LARS1: variants seen among roughly 807,000 people sequenced by gnomAD.
LARS1 encodes leucyl-tRNA synthetase 1.
Under a neutral mutation model 162.8 loss-of-function variants are expected in LARS1, and 100 were observed. That is an observed-to-expected ratio of 0.61 (90% confidence interval 0.52 to 0.73). The LOEUF (loss-of-function observed/expected upper bound fraction) is 0.73. LARS1 is among the 30% of genes least tolerant of loss of function. The pLI is 0.00. For synonymous variants in LARS1, 457 were observed against 462.8 expected (o/e 0.99, Z 0.16); for missense variants, 1,258 against 1,408.9 (o/e 0.89, Z 1.71).
intron 14 of LARS1, among the ~76,000 whole-genome samples, chr5:146,150,924 G>A (rs1438495659): frequency 6.9e-6 from 1 of 144,002 alleles, no homozygotes; most frequent in Non-Finnish European, 1.5e-5. Flanking sequence ...GTGAGACAGA[G>A]CAAGACTCCG....
intron 21 of LARS1, chr5:146,139,628 C>G (rs975219031): frequency 3.3e-5 from 5 of 152,406 alleles, no homozygotes; most frequent in South Asian, 2.1e-4. Flanking sequence ...GTAATCCCAG[C>G]ACTTTGGGAG....
rs563304209 is a variant in LARS1 at position 146,130,009 on chromosome 5, T to C, written c.2628+9A>G. 5.6e-6 allele frequency: 9 copies of C among 1,598,816 alleles called. No homozygotes were observed. Among genetic ancestry groups the C allele is most frequent in the South Asian group, 1.1e-5 (1 of 88,676 alleles). On this transcript the variant is annotated intron_variant, in intron 25 of 31. Transcript: ENST00000394434. ...AACCACTCGAAACATTTTAAATGCA[T>C]GAAGGTACCTTTCCCAGGAGTGTCC...
chr5:146,175,527 C>A (rs1164253104), intron 2 of LARS1, among the ~76,000 whole-genome samples: 68 of 124,486 alleles, frequency 5.5e-4, no homozygotes, highest in Admixed American at 1.0e-3. Context: ...GGCAACAGAG[C>A]AAGACTCCAC....
chr5:146,127,737 T>C (rs1561799783), intron 27 of LARS1, among the ~76,000 whole-genome samples: 1 of 152,070 alleles, frequency 6.6e-6, no homozygotes, highest in Non-Finnish European at 1.5e-5. Flanking sequence ...ATTTCTATCA[T>C]ATATACTCAA....
At chr5:146,173,465 T>G (rs2126588230) in intron 2 of LARS1, among the ~76,000 whole-genome samples, 1 of 151,860 alleles carries the variant, frequency 6.6e-6, no homozygotes, top group African/African-American at 2.4e-5. Context: ...CAATTCAAAG[T>G]CCCTCAGGTA....
chr5:146,140,383 TACACTATAGTCCTTTTTGTA>T lies in LARS1; in HGVS notation c.2091-142_2091-123del. ...TTGCTAAGATAAAAGTGCAAGGATA[TACACTATAGTCCTTTTTGTA>T]ATGGGAAGTGAAAACAAATCAAAGG... is the stretch of plus-strand genomic sequence containing the variant. On this transcript the variant is annotated intron_variant, in intron 20 of 31. Transcript: ENST00000394434. The T allele has an allele frequency of 5.6e-6, 4 of 707,988 alleles. No homozygotes were observed. The South Asian group carries it at 6.6e-5, about 12-fold the overall frequency. The allele number at this position is 707,988 out of a possible 1,614,324, so 43.9% of individuals were successfully genotyped here.
intron 31 of LARS1, among the ~76,000 whole-genome samples, chr5:146,116,835 A>G (rs911179769): frequency 6.6e-6 from 1 of 152,192 alleles, no homozygotes; most frequent in African/African-American, 2.4e-5. Flanking sequence ...AATTACCCTC[A>G]ATACAACTGG....
At chr5:146,131,490 T>C (rs924010452) in intron 23 of LARS1, 1 of 143,252 alleles carries the variant, frequency 7.0e-6, no homozygotes, top group Admixed American at 7.0e-5. Context: ...AGCCAAGTTT[T>C]TTTTTTTTTT....
chr5:146,167,529 G>A (rs1056495977), intron 5 of LARS1, among the ~76,000 whole-genome samples: 24 of 151,842 alleles, frequency 1.6e-4, no homozygotes, highest in Non-Finnish European at 3.1e-4. Context: ...TCAGCCTCCC[G>A]AGTAGCTGGG....
At chr5:146,181,098 A>G (rs777425380) in intron 1 of LARS1, 1 of 152,380 alleles carries the variant, frequency 6.6e-6, no homozygotes, top group Non-Finnish European at 1.5e-5. Flanking sequence ...TCACGCCTGT[A>G]ATCCCAGCAC....
intron 12 of LARS1, 101 bp downstream of exon 12, chr5:146,153,633 T>C: frequency 1.2e-6 from 1 of 834,496 alleles, no homozygotes; most frequent in Non-Finnish European, 2.0e-6. Context: ...AGTTTAAAGA[T>C]AAATGCATAG....
intron 10 of LARS1, among the ~76,000 whole-genome samples, chr5:146,154,606 C>A (rs141936044): frequency 0.013 from 2,007 of 151,936 alleles, 44 homozygotes; most frequent in African/African-American, 0.046. Context: ...GGTGAAACCC[C>A]GTCTCTACTA....
intron 2 of LARS1, among the ~76,000 whole-genome samples, chr5:146,175,235 C>T: frequency 6.7e-6 from 1 of 149,054 alleles, no homozygotes; most frequent in Non-Finnish European, 1.5e-5. Flanking sequence ...CAGACTCTGT[C>T]TCCAAATTAA....
intron 13 of LARS1, 90 bp from the exon 14 acceptor site, chr5:146,152,092 A>T: frequency 7.3e-7 from 1 of 1,360,910 alleles, no homozygotes; most frequent in Non-Finnish European, 1.0e-6. Flanking sequence ...ATGTCCAATT[A>T]AGTCATTTCA....
At chr5:146,173,909 T>A (rs1038602956) in intron 2 of LARS1, among the ~76,000 whole-genome samples, 1 of 152,130 alleles carries the variant, frequency 6.6e-6, no homozygotes, top group African/African-American at 2.4e-5. Context: ...AAGGCATACT[T>A]CATATAGACT....
intron 2 of LARS1, among the ~76,000 whole-genome samples, chr5:146,174,252 C>T (rs777690344): frequency 1.4e-5 from 2 of 147,456 alleles, no homozygotes; most frequent in East Asian, 4.1e-4. Flanking sequence ...GATTTCAAGA[C>T]TAGCCTAACG....
chr5:146,139,269 G>A (rs757350962), intron 21 of LARS1, among the ~76,000 whole-genome samples: 3 of 151,484 alleles, frequency 2.0e-5, no homozygotes, highest in Non-Finnish European at 2.9e-5. Flanking sequence ...CTTGAATCTG[G>A]GAGGTGGAGG....
rs750847242 is a variant in LARS1, at chr5:146,144,617, G to T, written c.1589+7C>A. 2.7e-5 allele frequency: 44 copies of T among 1,613,792 alleles called. No individual in the cohort carries two copies. Among genetic ancestry groups the T allele is most frequent in the Middle Eastern group, 1.6e-4 (1 of 6,062 alleles). ...CTAGGGGAATTTTCTTGCTATAAGA[G>T]ACTAACCACTGGTCACACAGAGCCA... On this transcript the variant is annotated splice_region_variant and intron_variant, in intron 16 of 31. Transcript: ENST00000394434.
Position 146,172,780 on chromosome 5 carries a change from A to C in LARS1, c.126-6T>G. The C allele has an allele frequency of 6.7e-7, 1 of 1,496,158 alleles. No individual in the cohort carries two copies. Among genetic ancestry groups the C allele is most frequent in the Non-Finnish European group, 9.1e-7 (1 of 1,103,356 alleles). 92.7% of individuals were successfully genotyped at this position (1,496,158 alleles called of 1,614,324 possible). ...TTACAAAATACTTGCCCTTGCTGCA[A>C]AACAACAGTATAAAAAAGAAAGTAC... On this transcript the variant is annotated splice_polypyrimidine_tract_variant and splice_region_variant and intron_variant, in intron 2 of 31. Coordinates refer to ENST00000394434, the MANE Select transcript of LARS1 (RefSeq NM_020117.11).
Sources: gnomAD v4.1 joint callset for allele counts (sites outside exome capture counted in the v4.1 genomes callset) on GRCh38, gnomAD v4.1.1 for gene constraint, MANE v1.5 for transcripts, NCBI Gene and HGNC (gene_info 2026-07-23, HGNC 2026-07-21) for gene names.